The following GRM1 variants were observed in gnomAD, a reference collection of about 807,000 sequenced individuals.
GRM1 encodes the protein metabotropic glutamate receptor 1.
Under a neutral mutation model 90.9 loss-of-function variants are expected in GRM1, and 33 were observed. The observed-to-expected ratio is 0.36, with a 90% CI of 0.28 to 0.49. The LOEUF (loss-of-function observed/expected upper bound fraction) is 0.49, where lower values mean the gene tolerates loss of function less well. Ranked by LOEUF, GRM1 falls within the 20% of genes least tolerant of loss-of-function variation. The probability of loss-of-function intolerance (pLI) is 0.99; values close to 1 mark genes in which losing one functional copy is unlikely to be tolerated. For missense variants in GRM1, 1,190 were observed against 1,534.3 expected (o/e 0.78, Z 3.75); for synonymous variants, 700 against 613.2 (o/e 1.14, Z -2.09).
chr6:146,160,376 A>G (rs1250591311), intron 2 of GRM1, among the ~76,000 whole-genome samples: 1 of 152,210 alleles, frequency 6.6e-6, no homozygotes, highest in Non-Finnish European at 1.5e-5. Context: ...ATAGATGGTC[A>G]TCATCACTGG....
intron 2 of GRM1, among the ~76,000 whole-genome samples, chr6:146,262,092 A>AC (rs1781714710): frequency 6.6e-6 from 1 of 151,712 alleles, no homozygotes; most frequent in Admixed American, 6.6e-5. Flanking sequence ...AACAAAAAAA[A>AC]AAAAAAGAAG....
At chr6:146,372,221 AGCACTTTTTCTTAT>A (rs1185093264) in intron 5 of GRM1, among the ~76,000 whole-genome samples, 1 of 152,084 alleles carries the variant, frequency 6.6e-6, no homozygotes, top group African/African-American at 2.4e-5. Flanking sequence ...AATGATGTTG[AGCACTTTTTCTTAT>A]GCCTGTTTGC....
At chr6:146,294,872 T>C (rs926395247) in intron 2 of GRM1, among the ~76,000 whole-genome samples, 8 of 152,240 alleles carry the variant, frequency 5.3e-5, no homozygotes, top group Admixed American at 4.6e-4. Flanking sequence ...AATATTTGTT[T>C]GGTTAATCTC....
intron 1 of GRM1, among the ~76,000 whole-genome samples, chr6:146,159,084 A>C (rs1777619109): frequency 6.6e-6 from 1 of 152,228 alleles, no homozygotes; most frequent in Admixed American, 6.5e-5. Flanking sequence ...AAAATAGGGC[A>C]GCAATCCTTC....
At chr6:146,376,364 C>A (rs1260468798) in intron 5 of GRM1, among the ~76,000 whole-genome samples, 1 of 151,940 alleles carries the variant, frequency 6.6e-6, no homozygotes, top group African/African-American at 2.4e-5. Flanking sequence ...CTATTACCAG[C>A]GAATTTTGTA....
chr6:146,271,938 A>T (rs905354429), intron 2 of GRM1, among the ~76,000 whole-genome samples: 10 of 152,136 alleles, frequency 6.6e-5, no homozygotes, highest in Middle Eastern at 3.2e-3. Flanking sequence ...TTATCAGGGT[A>T]TGTATTCCTG....
chr6:146,426,374 G>A lies in GRM1; in HGVS notation c.2661-7498G>A, dbSNP rs146212506. On this transcript the variant is annotated intron_variant, in intron 7 of 7. Transcript: ENST00000282753. ...GGAAAGAGATGCACCCCACTGACAG[G>A]GTTTTAAGAAATAGCCTGGCAATGA... Among the ~76,000 whole-genome samples the A allele has an allele frequency of 1.1e-3, 173 of 152,168 alleles. 2 individuals are homozygous for A. Among genetic ancestry groups the A allele is most frequent in the African/African-American group, 4.0e-3 (167 of 41,512 alleles).
chr6:146,267,100 T>TA (rs1781918731), intron 2 of GRM1, among the ~76,000 whole-genome samples: 1 of 152,206 alleles, frequency 6.6e-6, no homozygotes, highest in Admixed American at 6.5e-5. Context: ...CATGTGTTTT[T>TA]ATCACTCAGC....
chr6:146,035,029 TG>T (rs1333145336), intron 1 of GRM1, among the ~76,000 whole-genome samples: 1 of 151,900 alleles, frequency 6.6e-6, no homozygotes. Context: ...ACTGAAAGAA[TG>T]TATTAGTGGT....
At chr6:146,345,133 C>T (rs1177246624) in intron 3 of GRM1, among the ~76,000 whole-genome samples, 1 of 152,168 alleles carries the variant, frequency 6.6e-6, no homozygotes, top group African/African-American at 2.4e-5. Flanking sequence ...ATATCTTATT[C>T]CCATGTGTTG....
chr6:146,368,260 T>TTTGG (rs1491160990), intron 5 of GRM1, among the ~76,000 whole-genome samples: 18 of 115,924 alleles, frequency 1.6e-4, no homozygotes, highest in African/African-American at 3.2e-4. Flanking sequence ...AGTTTTTTTT[T>TTTGG]GGGGGGGGGG....
At chr6:146,364,248 T>C (rs1299212509) in intron 5 of GRM1, among the ~76,000 whole-genome samples, 1 of 152,246 alleles carries the variant, frequency 6.6e-6, no homozygotes, top group Non-Finnish European at 1.5e-5. Context: ...AAATAGTTTC[T>C]TTCTCCTCCA....
At chr6:146,190,871 A>G (rs1476526594) in intron 2 of GRM1, among the ~76,000 whole-genome samples, 9 of 152,084 alleles carry the variant, frequency 5.9e-5, no homozygotes, top group Non-Finnish European at 1.2e-4. Flanking sequence ...TCACATTGCT[A>G]TATCAAAACA....
chr6:146,275,045 G>GA (rs961837835), intron 2 of GRM1, among the ~76,000 whole-genome samples: 8 of 151,772 alleles, frequency 5.3e-5, no homozygotes, highest in African/African-American at 1.9e-4. Flanking sequence ...AAAGAAAAAA[G>GA]AAAAAAATTA....
intron 6 of GRM1, among the ~76,000 whole-genome samples, chr6:146,395,201 A>G (rs2114562786): frequency 6.6e-6 from 1 of 152,224 alleles, no homozygotes; most frequent in South Asian, 2.1e-4. Context: ...CTCTATCTGG[A>G]AATGTCAAGC....
intron 1 of GRM1, among the ~76,000 whole-genome samples, chr6:146,150,240 A>C (rs2128887783): frequency 6.6e-6 from 1 of 152,308 alleles, no homozygotes; most frequent in East Asian, 1.9e-4. Context: ...GTCTGCACTG[A>C]GAATAAAGAG....
intron 2 of GRM1, among the ~76,000 whole-genome samples, chr6:146,289,369 A>T (rs1782894739): frequency 2.0e-5 from 3 of 152,214 alleles, no homozygotes; most frequent in Admixed American, 6.5e-5. Context: ...TAATTAGAAA[A>T]ACGTCTATGG....
intron 3 of GRM1, among the ~76,000 whole-genome samples, chr6:146,345,618 A>G (rs1417470215): frequency 6.6e-6 from 1 of 152,240 alleles, no homozygotes; most frequent in Non-Finnish European, 1.5e-5. Context: ...AAAGAGGACC[A>G]TAATAGCATA....
At chr6:146,156,568 C>G (rs999098025) in intron 1 of GRM1, among the ~76,000 whole-genome samples, 6 of 152,198 alleles carry the variant, frequency 3.9e-5, no homozygotes, top group African/African-American at 1.4e-4. Context: ...TGCTCTAGCA[C>G]TTTATTGTGT....
Sources: gnomAD v4.1 joint callset for allele counts (sites outside exome capture counted in the v4.1 genomes callset) on GRCh38, gnomAD v4.1.1 for gene constraint, MANE v1.5 for transcripts, NCBI Gene and HGNC (gene_info 2026-07-23, HGNC 2026-07-21) for gene names.